Variants in OSBPL10 observed in about 807,000 individuals in gnomAD.
OSBPL10 encodes the protein oxysterol binding protein like 10, also known as oxysterol-binding protein-related protein 10.
Under a neutral mutation model 81.7 loss-of-function variants are expected in OSBPL10, and 49 were observed. The observed-to-expected ratio is 0.60, with a 90% CI of 0.48 to 0.76. The LOEUF is 0.76. Among genes scored for constraint, OSBPL10 ranks in the 30% least tolerant of loss-of-function variants. OSBPL10 has a pLI of 0.00. For missense variants in OSBPL10, 923 were observed against 987.8 expected, an observed-to-expected ratio of 0.93 and a Z score of 0.88; for synonymous variants, 419 against 383.6, an observed-to-expected ratio of 1.09 and a Z score of -1.08.
intron 1 of OSBPL10, among the ~76,000 whole-genome samples, chr3:31,897,937 G>C (rs1276343258): frequency 6.8e-6 from 1 of 146,168 alleles, no homozygotes; most frequent in Non-Finnish European, 1.5e-5. Context: ...GAACCTGGTA[G>C]GAGGAGGTTG....
intron 2 of OSBPL10, among the ~76,000 whole-genome samples, chr3:32,011,431 C>T (rs1041589008): frequency 6.6e-6 from 1 of 152,082 alleles, no homozygotes; most frequent in African/African-American, 2.4e-5. Flanking sequence ...CACACCAAAA[C>T]CCCATCTGTA....
chr3:32,028,928 ACACACACACACACACACACACAC>A lies in OSBPL10; in HGVS notation n.298+17540_298+17562del, dbSNP rs1699441499. Among the ~76,000 whole-genome samples the A allele has an allele frequency of 4.2e-4, 41 of 97,722 alleles. 2 individuals carry two copies. The highest frequency in any genetic ancestry group is 7.5e-4 in the East Asian group (3 of 4,008). The allele number at this position is 97,722 out of a possible 152,430, so 64.1% of individuals were successfully genotyped here. A position where few individuals can be genotyped will look rare whatever the true frequency, so the allele number is the denominator to read the frequency against. On this transcript the variant is annotated intron_variant and non_coding_transcript_variant, in intron 2 of 3. Transcript: ENST00000479173. The stretch of plus-strand genomic sequence containing the variant: ...TTGTTACAGTAGGTAGCTAGTCAGG[ACACACACACACACACACACACAC>A]ACACACACACACACACACACACACA...
At chr3:32,066,647 C>T (rs1206889503) in intron 1 of OSBPL10, 1 of 152,256 alleles carries the variant, frequency 6.6e-6, no homozygotes, top group Admixed American at 6.5e-5. Flanking sequence ...TCCATCACCT[C>T]CTCAGTGAAA....
chr3:31,917,322 G>A (rs1244425684), intron 1 of OSBPL10, among the ~76,000 whole-genome samples: 2 of 152,146 alleles, frequency 1.3e-5, no homozygotes, highest in Non-Finnish European at 2.9e-5. Context: ...ATAGTGAAAA[G>A]CTATTAACGA....
At chr3:31,691,853 C>T (rs11711980) in intron 7 of OSBPL10, among the ~76,000 whole-genome samples, 79,308 of 151,798 alleles carry the variant, frequency 0.52, 24,451 homozygotes, top group Non-Finnish European at 0.7. Flanking sequence ...CGCAAAGGTT[C>T]ATTTATGTCC....
intron 4 of OSBPL10, among the ~76,000 whole-genome samples, chr3:31,813,140 A>C (rs139849262): frequency 1.3e-5 from 2 of 152,368 alleles, no homozygotes; most frequent in African/African-American, 4.8e-5. Context: ...TGCAGAGAAT[A>C]ATCATCAAAG....
intron 1 of OSBPL10, among the ~76,000 whole-genome samples, chr3:31,932,911 GACAT>G (rs1476918562): frequency 6.6e-6 from 1 of 151,968 alleles, no homozygotes; most frequent in Non-Finnish European, 1.5e-5. Context: ...AGTTTCATAA[GACAT>G]ACATTTGTCA....
chr3:31,872,452 G>T (rs200530778), intron 3 of OSBPL10, among the ~76,000 whole-genome samples: 64 of 136,966 alleles, frequency 4.7e-4, no homozygotes, highest in East Asian at 3.2e-3. Flanking sequence ...TTTTGTTGTT[G>T]TTTTTTTTTT....
At chr3:32,034,103 A>T (rs1699497983) in intron 2 of OSBPL10, among the ~76,000 whole-genome samples, 1 of 152,098 alleles carries the variant, frequency 6.6e-6, no homozygotes, top group Non-Finnish European at 1.5e-5. Context: ...AAACCATCAG[A>T]TCTCATGAGC....
chr3:31,848,397 T>C (rs929788830), intron 3 of OSBPL10, among the ~76,000 whole-genome samples: 1 of 151,794 alleles, frequency 6.6e-6, no homozygotes, highest in African/African-American at 2.4e-5. Flanking sequence ...CGGTGGAAAA[T>C]GTTTTGTGAG....
chr3:32,022,230 T>C (rs4955125), intron 2 of OSBPL10, among the ~76,000 whole-genome samples: 147,585 of 152,270 alleles, frequency 0.97, 71,522 homozygotes, highest in East Asian at 1. Context: ...TCTCACTTGG[T>C]GCAGCAAAGC....
At chr3:31,925,790 G>A (rs1052105801) in intron 1 of OSBPL10, among the ~76,000 whole-genome samples, 3 of 152,018 alleles carry the variant, frequency 2.0e-5, no homozygotes, top group Admixed American at 1.3e-4. Flanking sequence ...TCCAGCCTGG[G>A]CAATAGAGCA....
chr3:32,030,364 C>T, intron 2 of OSBPL10: 1 of 556,388 alleles, frequency 1.8e-6, no homozygotes, highest in South Asian at 1.6e-5. Context: ...CCACAAGAGG[C>T]ACCATGGCTA....
chr3:32,071,082 A>G (rs1699825407), intron 1 of OSBPL10, among the ~76,000 whole-genome samples: 1 of 152,294 alleles, frequency 6.6e-6, no homozygotes, highest in East Asian at 1.9e-4. Flanking sequence ...TCTTCTCAAC[A>G]AGATACCCTC....
At chr3:31,808,131 GA>G (rs1470926093) in intron 4 of OSBPL10, among the ~76,000 whole-genome samples, 1 of 152,166 alleles carries the variant, frequency 6.6e-6, no homozygotes, top group Non-Finnish European at 1.5e-5. Context: ...GTACCTTGGA[GA>G]GCAAAGAGCC....
chr3:32,060,012 T>C (rs1699743107), intron 1 of OSBPL10, among the ~76,000 whole-genome samples: 1 of 152,082 alleles, frequency 6.6e-6, no homozygotes, highest in Non-Finnish European at 1.5e-5. Context: ...TTGGGAGCAC[T>C]GGTAATGTTC....
chr3:31,692,321 G>A (rs1287803930), intron 7 of OSBPL10, among the ~76,000 whole-genome samples: 1 of 152,052 alleles, frequency 6.6e-6, no homozygotes, highest in Admixed American at 6.6e-5. Flanking sequence ...AGTATTAAAT[G>A]GCAGTGTTAA....
rs1019024553 is a variant in OSBPL10 at position 31,820,532 on chromosome 3, T to G, written c.729+9508A>C. 2.6e-5 allele frequency among the ~76,000 whole-genome samples: 4 copies of G among 151,364 alleles called. No homozygotes were observed. In the South Asian group the frequency reaches 8.4e-4, roughly 32 times the overall value. ...ATCGCTTAAATCCGGGAGGCGGAGG[T>G]TGCAGTGAGCCGAGATCACGCCACT... On this transcript the variant is annotated intron_variant, in intron 4 of 11. Transcript: ENST00000396556.
At chr3:31,756,567 T>C (rs1241051223) in intron 4 of OSBPL10, among the ~76,000 whole-genome samples, 1 of 152,236 alleles carries the variant, frequency 6.6e-6, no homozygotes, top group Non-Finnish European at 1.5e-5. Flanking sequence ...AGGTATATTA[T>C]TTTATCTTAA....
Sources: gnomAD v4.1 joint callset for allele counts (sites outside exome capture counted in the v4.1 genomes callset) on GRCh38, gnomAD v4.1.1 for gene constraint, MANE v1.5 for transcripts, NCBI Gene and HGNC (gene_info 2026-07-23, HGNC 2026-07-21) for gene names.